The following PLA2G6 variants were observed in gnomAD, a reference collection of about 807,000 sequenced individuals.
PLA2G6 encodes the protein 85/88 kDa calcium-independent phospholipase A2.
Under a neutral mutation model 83.8 loss-of-function variants are expected in PLA2G6, and 62 were observed. That is an observed-to-expected ratio of 0.74 (90% CI 0.60 to 0.91). PLA2G6 has a LOEUF of 0.91. PLA2G6 is among the 40% of genes least tolerant of loss of function. PLA2G6 has a pLI of 0.00. For missense variants in PLA2G6, 944 were observed against 1,102.0 expected (o/e 0.86, Z 2.03); for synonymous variants, 417 against 449.8 (o/e 0.93, Z 0.92).
chr22:38,161,863 G>A (rs764862810), intron 2 of PLA2G6, among the ~76,000 whole-genome samples: 6 of 152,102 alleles, frequency 3.9e-5, no homozygotes, highest in Non-Finnish European at 5.9e-5. Context: ...GCAGAAAGAC[G>A]TCAAACCACA....
In PLA2G6 at chr22:38,140,056, C is replaced by T; in HGVS notation, c.723G>A (p.Leu241=). Reference sequence around the variant, plus strand: ...CCATGATGTTGCACCGAGCATTGCACAGCAGCAGCACGCGGACCATCTCCT... The same window carrying T: ...CCATGATGTTGCACCGAGCATTGCATAGCAGCAGCACGCGGACCATCTCCT... ...GKQEMVRVLL[L]CNARCNIMGP... Residue 241 remains leucine, a synonymous_variant, in exon 5 of 17, where the codon CTG becomes CTA. Coordinates refer to ENST00000332509, the MANE Select transcript of PLA2G6 (RefSeq NM_003560.4). The T allele has an allele frequency of 6.2e-7, 1 of 1,613,750 alleles. No individual in the cohort carries two copies. The highest frequency in any genetic ancestry group is 1.1e-5 in the South Asian group (1 of 90,954).
chr22:38,125,242 G>A (rs2087778736), intron 10 of PLA2G6, among the ~76,000 whole-genome samples: 1 of 152,198 alleles, frequency 6.6e-6, no homozygotes, highest in African/African-American at 2.4e-5. Flanking sequence ...GTGTGTGCGT[G>A]TCCATGTGTT....
At chr22:38,170,398 C>T (rs1374073609) in intron 1 of PLA2G6, among the ~76,000 whole-genome samples, 7 of 151,990 alleles carry the variant, frequency 4.6e-5, no homozygotes, top group African/African-American at 1.7e-4. Context: ...CACACAAAAG[C>T]AAGCTCCTTG....
intron 1 of PLA2G6, among the ~76,000 whole-genome samples, chr22:38,171,172 CAAAA>C (rs35530438): frequency 1.9e-5 from 2 of 105,014 alleles, no homozygotes; most frequent in East Asian, 3.1e-4. Flanking sequence ...AACTCCGTCT[CAAAA>C]AAAAAAAAAA....
intron 2 of PLA2G6, among the ~76,000 whole-genome samples, chr22:38,163,902 T>C (rs1160428206): frequency 6.6e-6 from 1 of 151,708 alleles, no homozygotes; most frequent in Non-Finnish European, 1.5e-5. Flanking sequence ...TTATCTGAGG[T>C]TTCTGATAAG....
chr22:38,135,000 G>T lies in PLA2G6; in HGVS notation c.882C>A (p.Ala294=). ...AGGATCCACTCACCTCTGCGTTCTT[G>T]GCCCAGTGGAGGGGGCTGGCTCCGT... ...PRYGASPLHW[A]KNAEMARMLL... Residue 294 remains alanine (A), a synonymous_variant, in exon 6 of 17, where the codon GCC becomes GCA. Transcript: ENST00000332509. 2 of 939,534 alleles carry T rather than the reference G, an allele frequency of 2.1e-6. No individual in the cohort carries two copies. The highest frequency in any genetic ancestry group is 3.2e-6 in the Non-Finnish European group (2 of 632,576). 58.2% of individuals were successfully genotyped at this position (939,534 alleles called of 1,614,324 possible). A position where few individuals can be genotyped will look rare whatever the true frequency, so the allele number is the denominator to read the frequency against.
chr22:38,123,139 G>C lies in PLA2G6; in HGVS notation c.1547C>G (p.Ala516Gly). 1.9e-6 allele frequency: 3 copies of C among 1,549,946 alleles called. No homozygotes were observed. Among genetic ancestry groups the C allele is most frequent in the Non-Finnish European group, 8.7e-7 (1 of 1,147,266 alleles). Residue 516 changes from alanine to glycine, a missense_variant, in exon 11 of 17, where the codon GCG (alanine) becomes GGG (glycine). By Grantham distance (60) the Ala-to-Gly change is moderately conservative (BLOSUM62 0). Coordinates refer to ENST00000332509, the MANE Select transcript of PLA2G6 (RefSeq NM_003560.4). This position sits in a 1 kb window ranked among gnomAD's most constrained non-coding sequence, Gnocchi z 4.1. ...CAGGATGCCTCCAGTGCTGGTGCCCGCCACCCAGTCAAACAGGTCCTTGGT... is the reference window on the plus strand; with the variant it reads ...CAGGATGCCTCCAGTGCTGGTGCCCCCCACCCAGTCAAACAGGTCCTTGGT... ...VATKDLFDWV[A>G]GTSTGGILAL...
chr22:38,157,141 T>C lies in PLA2G6; in HGVS notation c.210-11488A>G, dbSNP rs189394731. The stretch of plus-strand genomic sequence containing the variant: ...AAGATCATAGCAGAAATAAATGAAA[T>C]TGAAACAAAACAATACAAAAGATCA... On this transcript the variant is annotated intron_variant, in intron 2 of 16. Coordinates refer to ENST00000332509, the MANE Select transcript of PLA2G6 (RefSeq NM_003560.4). Among the ~76,000 whole-genome samples the C allele has an allele frequency of 5.9e-5, 9 of 151,850 alleles. No homozygotes were observed. In the East Asian group the frequency reaches 1.7e-3, roughly 29 times the overall value.
chr22:38,160,529 G>T (rs9610907), intron 2 of PLA2G6, among the ~76,000 whole-genome samples: 2,467 of 152,298 alleles, frequency 0.016, 63 homozygotes, highest in East Asian at 0.11. Flanking sequence ...CCAACAAAAT[G>T]CTAACAAAGA....
intron 2 of PLA2G6, among the ~76,000 whole-genome samples, chr22:38,159,570 A>T (rs759277624): frequency 6.6e-6 from 1 of 152,098 alleles, no homozygotes; most frequent in Non-Finnish European, 1.5e-5. Flanking sequence ...CTCTACAAAA[A>T]ATTTTTAAAA....
chr22:38,122,359 G>A (rs924441688), intron 11 of PLA2G6, among the ~76,000 whole-genome samples: 1 of 152,150 alleles, frequency 6.6e-6, no homozygotes, highest in African/African-American at 2.4e-5. Context: ...GTTGGGGGGA[G>A]CTGAGGACCC....
In PLA2G6 at chr22:38,132,192, C is replaced by A; in HGVS notation, c.1077+639G>T. On this transcript the variant is annotated intron_variant, in intron 7 of 16. Coordinates refer to ENST00000332509, the MANE Select transcript of PLA2G6 (RefSeq NM_003560.4). The surrounding 1 kb of genome is among the most constrained non-coding windows in gnomAD (Gnocchi z 5.0). The stretch of plus-strand genomic sequence containing the variant: ...CTCTGCTAGGTTTAATATGTTCATA[C>A]TCTAGATGTGTAACCAGACAGTAAG... The A allele has an allele frequency of 2.3e-6, 1 of 436,370 alleles. No homozygotes were observed. Among genetic ancestry groups the A allele is most frequent in the South Asian group, 1.6e-5 (1 of 61,254 alleles). The allele number at this position is 436,370 out of a possible 1,614,324, so 27.0% of individuals were successfully genotyped here.
At chr22:38,119,669 T>C (rs1385319816) in intron 12 of PLA2G6, among the ~76,000 whole-genome samples, 3 of 151,894 alleles carry the variant, frequency 2.0e-5, no homozygotes, top group Admixed American at 1.3e-4. Context: ...CTACAAAAAA[T>C]ACATGTGTTG....
chr22:38,121,249 G>A (rs2087513651), intron 11 of PLA2G6, among the ~76,000 whole-genome samples: 1 of 152,098 alleles, frequency 6.6e-6, no homozygotes, highest in African/African-American at 2.4e-5. Context: ...GGTGGCGGGC[G>A]CCTGTAGTCC....
At chr22:38,139,196 C>G (rs1352630552) in intron 5 of PLA2G6, 1 of 152,084 alleles carries the variant, frequency 6.6e-6, no homozygotes, top group Non-Finnish European at 1.5e-5. Context: ...CACAAGAAAC[C>G]AAGGAGCACT....
intron 1 of PLA2G6, among the ~76,000 whole-genome samples, chr22:38,171,154 A>G (rs2090424091): frequency 6.7e-6 from 1 of 149,450 alleles, no homozygotes; most frequent in African/African-American, 2.5e-5. Context: ...CCTGGGCAAC[A>G]AGAGCGAAAC....
At position 38,132,115 on chromosome 22, in the gene PLA2G6, GA is replaced by G. The variant is rs998817264; in HGVS notation, c.1077+715del. On this transcript the variant is annotated intron_variant, in intron 7 of 16. Transcript: ENST00000332509. This position sits in a 1 kb window ranked among gnomAD's most constrained non-coding sequence, Gnocchi z 5.0. The stretch of plus-strand genomic sequence containing the variant: ...GGGCGACAGTGCGAGACTCCATCTC[GA>G]AAAAAAAGAATACATGCACACACAT... 111 of 454,212 alleles carry G rather than the reference GA, an allele frequency of 2.4e-4. No homozygotes were observed. The Admixed American group carries it at 2.5e-3, about 10-fold the overall frequency. The allele number at this position is 454,212 out of a possible 1,614,324, so 28.1% of individuals were successfully genotyped here. A position where few individuals can be genotyped will look rare whatever the true frequency, so the allele number is the denominator to read the frequency against.
intron 10 of PLA2G6, among the ~76,000 whole-genome samples, chr22:38,125,192 GTGTA>G (rs979179920): frequency 2.8e-4 from 42 of 152,284 alleles, no homozygotes; most frequent in African/African-American, 8.2e-4. Flanking sequence ...GTGTGCGCAT[GTGTA>G]TGTGTGTGCA....
rs2087638026 is a variant in PLA2G6 at position 38,123,361 on chromosome 22, C to A, written c.1428-103G>T. On this transcript the variant is annotated intron_variant, in intron 10 of 16. Transcript: ENST00000332509. The surrounding 1 kb of genome is among the most constrained non-coding windows in gnomAD (Gnocchi z 4.1). ...TCCCCTGCAGCTGTGTCCTGGCAGA[C>A]AGACCCAGACGGACCCGAGGAACTT... is the stretch of plus-strand genomic sequence containing the variant. The A allele has an allele frequency of 1.6e-6, 2 of 1,249,632 alleles. No homozygotes were observed. Among genetic ancestry groups the A allele is most frequent in the Non-Finnish European group, 1.1e-6 (1 of 880,918 alleles). The allele number at this position is 1,249,632 out of a possible 1,614,324, so 77.4% of individuals were successfully genotyped here.
Sources: allele counts gnomAD v4.1 joint callset (sites outside exome capture counted in the v4.1 genomes callset), GRCh38; gene constraint gnomAD v4.1.1; non-coding constraint Gnocchi (gnomAD v3.1); transcripts MANE v1.5; gene names NCBI Gene and HGNC (gene_info 2026-07-23, HGNC 2026-07-21).